The following XKR3 variants were observed in gnomAD, a reference collection of about 807,000 sequenced individuals.
The protein encoded by XKR3 is XK related 3.
XKR3 carries 27 observed loss-of-function variants against 40.3 expected under a neutral mutation model. That is an observed-to-expected ratio of 0.67 (90% CI 0.49 to 0.92). The LOEUF (loss-of-function observed/expected upper bound fraction) is 0.92, where lower values mean the gene tolerates loss of function less well. XKR3 is among the 40% of genes least tolerant of loss of function. The pLI is 0.00. For synonymous variants in XKR3, 193 were observed against 195.4 expected, an observed-to-expected ratio of 0.99 and a Z score of 0.10; for missense variants, 472 against 537.6, an observed-to-expected ratio of 0.88 and a Z score of 1.21.
chr22:16,805,468 G>A (rs1420552223), intron 2 of XKR3, among the ~76,000 whole-genome samples: 1 of 152,082 alleles, frequency 6.6e-6, no homozygotes, highest in African/African-American at 2.4e-5. Flanking sequence ...TGAGTTGAAA[G>A]ACTTCATATT....
chr22:16,816,267 C>G (rs541649172), intron 1 of XKR3, among the ~76,000 whole-genome samples: 99 of 151,990 alleles, frequency 6.5e-4, no homozygotes, highest in African/African-American at 2.3e-3. Context: ...TTCAATCCCT[C>G]TCCCTACCCT....
chr22:16,783,651 A>T lies in XKR3; in HGVS notation c.1348T>A (p.Phe450Ile). The change falls in exon 4 of 4, where the codon TTT (phenylalanine) becomes ATT (isoleucine). Residue 450 changes from phenylalanine (F) to isoleucine (I), a missense_variant. Coordinates refer to ENST00000684488, the MANE Select transcript of XKR3 (RefSeq NM_001386955.1). ...YCHSCNRVGY[F>I]SIRKSMTCS ...CATGTCATACTTTTTCTGATTGAAA[A>T]ATATCCAACCCTATTGCAGGAGTGA... 6.2e-7 allele frequency: 1 copy of T among 1,601,056 alleles called. No homozygotes were observed. The highest frequency in any genetic ancestry group is 1.8e-5 in the Admixed American group (1 of 57,028).
chr22:16,814,860 AT>A (rs112951189), intron 1 of XKR3, among the ~76,000 whole-genome samples: 3,879 of 151,792 alleles, frequency 0.026, 179 homozygotes, highest in African/African-American at 0.089. Context: ...ATTTATCAGA[AT>A]TTTTTGTATA....
intron 3 of XKR3, among the ~76,000 whole-genome samples, chr22:16,798,193 ACAAC>A (rs1569038041): frequency 1.4e-5 from 2 of 144,892 alleles, no homozygotes; most frequent in African/African-American, 2.6e-5. Flanking sequence ...AAAAAAAAAA[ACAAC>A]AACAACAAAA....
chr22:16,819,779 A>G (rs981435278), intron 1 of XKR3, among the ~76,000 whole-genome samples: 3 of 152,200 alleles, frequency 2.0e-5, no homozygotes, highest in South Asian at 2.1e-4. Flanking sequence ...ATCAAAACTT[A>G]AAACTTCTGC....
At chr22:16,798,023 T>C (rs2060149807) in intron 3 of XKR3, among the ~76,000 whole-genome samples, 1 of 150,752 alleles carries the variant, frequency 6.6e-6, no homozygotes, top group Admixed American at 6.6e-5. Flanking sequence ...GGTTTTACAA[T>C]GTCAAAATTA....
At chr22:16,816,008 CCTAT>C (rs1327608451) in intron 1 of XKR3, among the ~76,000 whole-genome samples, 1 of 151,728 alleles carries the variant, frequency 6.6e-6, no homozygotes, top group African/African-American at 2.4e-5. Flanking sequence ...ATTGTAGTGG[CCTAT>C]CTTTTTAAAT....
At chr22:16,820,214 C>A (rs2060250002) in intron 1 of XKR3, among the ~76,000 whole-genome samples, 1 of 152,174 alleles carries the variant, frequency 6.6e-6, no homozygotes, top group Non-Finnish European at 1.5e-5. Context: ...AGGTATAAGG[C>A]AACTCAACTA....
At chr22:16,812,055 A>G (rs2060215193) in intron 1 of XKR3, among the ~76,000 whole-genome samples, 1 of 152,076 alleles carries the variant, frequency 6.6e-6, no homozygotes, top group Non-Finnish European at 1.5e-5. Context: ...AAAACAAAAA[A>G]AGGTTTAATA....
intron 1 of XKR3, among the ~76,000 whole-genome samples, chr22:16,813,902 C>T (rs1390410491): frequency 6.6e-6 from 1 of 152,112 alleles, no homozygotes; most frequent in East Asian, 1.9e-4. Flanking sequence ...TTCATTGTAT[C>T]TCATTGTGGT....
At chr22:16,785,103 G>A (rs1380291469) in intron 3 of XKR3, among the ~76,000 whole-genome samples, 1 of 152,174 alleles carries the variant, frequency 6.6e-6, no homozygotes, top group Admixed American at 6.5e-5. Context: ...GGATCACGAG[G>A]TCAGGAGATT....
chr22:16,791,802 AGAGAGAGAGAAAGAG>A (rs2060119542), intron 3 of XKR3, among the ~76,000 whole-genome samples: 10 of 121,918 alleles, frequency 8.2e-5, no homozygotes, highest in East Asian at 5.1e-4. Context: ...AGAGAGAGAG[AGAGAGAGAGAAAGAG>A]AGAGAGAGAG....
intron 3 of XKR3, among the ~76,000 whole-genome samples, chr22:16,791,768 GGAGAGAGAGGGAGAGAGAGAGAGA>G (rs2060118132): frequency 1.7e-5 from 1 of 60,352 alleles, no homozygotes; most frequent in African/African-American, 8.0e-5. Flanking sequence ...AGGGAGAGAG[GGAGAGAGAGGGAGAGAGAGAGAGA>G]GAGAGAGAGA....
At position 16,783,963 on chromosome 22, in the gene XKR3, G is replaced by C; in HGVS notation, c.1036C>G (p.Leu346Val). Residue 346 changes from leucine to valine, a missense_variant, in exon 4 of 4, where the codon CTA (leucine) becomes GTA (valine). Coordinates refer to ENST00000684488, the MANE Select transcript of XKR3 (RefSeq NM_001386955.1). ...TCTAAAAACTGAAAGCTGTAGTGTA[G>C]GATTCTATGGCCCCACCTCTGTCTC... The part of the protein sequence containing the change: ...DGRQRWGHRI[L>V]HYSFQFLENV... 4 of 1,614,200 alleles carry C rather than the reference G, an allele frequency of 2.5e-6. No homozygotes were observed. Among genetic ancestry groups the C allele is most frequent in the Non-Finnish European group, 3.4e-6 (4 of 1,180,044 alleles).
chr22:16,794,111 C>T (rs1266932953), intron 3 of XKR3, among the ~76,000 whole-genome samples: 6 of 152,054 alleles, frequency 3.9e-5, no homozygotes, highest in Non-Finnish European at 8.8e-5. Flanking sequence ...GAAGAATAAG[C>T]AACTTGAAAA....
chr22:16,824,102 T>C (rs1430378030), intron 1 of XKR3, among the ~76,000 whole-genome samples: 1 of 152,196 alleles, frequency 6.6e-6, no homozygotes, highest in Admixed American at 6.5e-5. Flanking sequence ...AATGAATAGA[T>C]GAGAAAAATC....
intron 2 of XKR3, among the ~76,000 whole-genome samples, chr22:16,801,533 T>C (rs1427650802): frequency 6.6e-6 from 1 of 152,126 alleles, no homozygotes; most frequent in Non-Finnish European, 1.5e-5. Context: ...CACGGCAAGA[T>C]GCCATTTCAA....
At chr22:16,797,813 G>A (rs571749588) in intron 3 of XKR3, among the ~76,000 whole-genome samples, 4 of 149,458 alleles carry the variant, frequency 2.7e-5, no homozygotes, top group African/African-American at 9.8e-5. Context: ...AAAAAAATAG[G>A]TAAAAGAAAA....
chr22:16,811,638 C>G (rs529000253), intron 1 of XKR3, among the ~76,000 whole-genome samples: 2 of 152,164 alleles, frequency 1.3e-5, no homozygotes, highest in South Asian at 4.1e-4. Context: ...TTCACGTGTA[C>G]GCTGAACAAT....
Sources: allele counts gnomAD v4.1 joint callset (sites outside exome capture counted in the v4.1 genomes callset), GRCh38; gene constraint gnomAD v4.1.1; transcripts MANE v1.5; gene names NCBI Gene and HGNC (gene_info 2026-07-23, HGNC 2026-07-21).